TAFAZZIN: variants seen among roughly 807,000 people sequenced by gnomAD.
TAFAZZIN encodes the protein tafazzin, phospholipid-lysophospholipid transacylase.
Under a neutral mutation model 27.3 loss-of-function variants are expected in TAFAZZIN, and 6 were observed. The observed-to-expected ratio is 0.22, with a 90% CI of 0.12 to 0.43. TAFAZZIN has a LOEUF of 0.43. TAFAZZIN is among the 20% of genes least tolerant of loss of function. TAFAZZIN has a pLI of 1.00. For synonymous variants in TAFAZZIN, 79 were observed against 96.2 expected (o/e 0.82, Z 1.04); for missense variants, 127 against 244.5 (o/e 0.52, Z 3.21).
At chrX:154,412,018 G>A (rs1557190961) in intron 1 of TAFAZZIN, 66 bp downstream of exon 1, 1 of 1,204,830 alleles carries the variant, frequency 8.3e-7, no homozygotes, top group Admixed American at 2.2e-5. Flanking sequence ...TGGGACTTAG[G>A]GTGGGGGACG....
intron 5 of TAFAZZIN, among the ~76,000 whole-genome samples, chrX:154,415,239 T>G (rs1011733108): frequency 9.4e-6 from 1 of 106,376 alleles, no homozygotes; most frequent in African/African-American, 3.6e-5. Context: ...GACTAAGGAG[T>G]GTGCCCAGCT....
Position 154,411,596 on chromosome X carries a change from G to A in TAFAZZIN, c.-248G>A. On this transcript the variant is annotated 5_prime_UTR_variant, in exon 1 of 11. Coordinates refer to ENST00000601016, the MANE Select transcript of TAFAZZIN (RefSeq NM_000116.5). ...AGCGCCCGCCTTCCCGTTTCCTCCC[G>A]TTCCGCAGCGCGCCCACGGCCTGTG... The A allele has an allele frequency of 2.3e-6, 1 of 433,969 alleles. No homozygotes were observed. Among genetic ancestry groups the A allele is most frequent in the African/African-American group, 2.5e-5 (1 of 39,408 alleles). 35.8% of individuals were successfully genotyped at this position (433,969 alleles called of 1,213,427 possible).
At chrX:154,416,507 G>T (rs1045675816) in intron 5 of TAFAZZIN, among the ~76,000 whole-genome samples, 14 of 111,934 alleles carry the variant, frequency 1.3e-4, no homozygotes, top group Non-Finnish European at 1.7e-4. Context: ...GACATGAGGA[G>T]CCCAGTTCAG....
At chrX:154,413,273 C>T (rs368429047) in intron 3 of TAFAZZIN, 21 bp downstream of exon 3, 9 of 1,208,564 alleles carry the variant, frequency 7.4e-6, no homozygotes, top group African/African-American at 3.5e-5. Context: ...ATGGGCCCCT[C>T]GAAGTGGGCC....
In TAFAZZIN at chrX:154,419,630, A is replaced by G. The variant is rs1404353943; in HGVS notation, c.541+7A>G. 8.3e-7 allele frequency: 1 copy of G among 1,210,681 alleles called. No individual in the cohort carries two copies. The highest frequency in any genetic ancestry group is 1.1e-6 in the Non-Finnish European group (1 of 894,977). On this transcript the variant is annotated splice_region_variant and intron_variant, in intron 6 of 10. Transcript: ENST00000601016. Reference sequence around the variant, plus strand: ...GTGCATATCTTCCCAGAAGGTCAGCAGGGCTGACTGGGTCGAGCCCCCCCA... The same window carrying G: ...GTGCATATCTTCCCAGAAGGTCAGCGGGGCTGACTGGGTCGAGCCCCCCCA...
At chrX:154,420,600 G>C in intron 9 of TAFAZZIN, 58 bp from the exon 10 acceptor site, 1 of 1,175,408 alleles carries the variant, frequency 8.5e-7, no homozygotes, top group Non-Finnish European at 1.2e-6. Flanking sequence ...CGGGTTGCTT[G>C]GGCTGGGGCT....
chrX:154,412,989 T>C (rs920950220), intron 2 of TAFAZZIN: 18 of 469,593 alleles, frequency 3.8e-5, no homozygotes, highest in Non-Finnish European at 1.1e-5. Flanking sequence ...GTTGGGGAGG[T>C]AGGCAGTCCA....
rs998257156 is a variant in TAFAZZIN, at chrX:154,421,606, C to G, written c.*602C>G. The G allele has an allele frequency of 1.8e-5, 6 of 329,296 alleles. No homozygotes were observed. Among genetic ancestry groups the G allele is most frequent in the Non-Finnish European group, 3.5e-5 (6 of 169,992 alleles). 27.1% of individuals were successfully genotyped at this position (329,296 alleles called of 1,213,427 possible). Reference sequence around the variant, plus strand: ...GGCCTGAGGTCTGGCTGCTTGCCCCCATGCTGGCGCCAACAACTTCTCCAT... The same window carrying G: ...GGCCTGAGGTCTGGCTGCTTGCCCCGATGCTGGCGCCAACAACTTCTCCAT... On this transcript the variant is annotated 3_prime_UTR_variant, in exon 11 of 11. Transcript: ENST00000601016.
chrX:154,418,731 T>G (rs1557193545), intron 5 of TAFAZZIN: 1 of 112,020 alleles, frequency 8.9e-6, no homozygotes, highest in African/African-American at 3.2e-5. Flanking sequence ...TTTCCCAAGC[T>G]CTTGATGTGT....
rs1569553044 is a variant in TAFAZZIN, at chrX:154,421,697, A to G, written c.*693A>G. The G allele has an allele frequency of 9.1e-6, 3 of 328,472 alleles. No individual in the cohort carries two copies. The highest frequency in any genetic ancestry group is 1.8e-5 in the Non-Finnish European group (3 of 169,877). The allele number at this position is 328,472 out of a possible 1,213,427, so 27.1% of individuals were successfully genotyped here. A position where few individuals can be genotyped will look rare whatever the true frequency, so the allele number is the denominator to read the frequency against. ...GTTTTCATGTTTTTGAAACAGAACC[A>G]TAAAGCATATGTGTTGGCTTGTTGT... On this transcript the variant is annotated 3_prime_UTR_variant, in exon 11 of 11. Coordinates refer to ENST00000601016, the MANE Select transcript of TAFAZZIN (RefSeq NM_000116.5).
intron 2 of TAFAZZIN, chrX:154,412,462 C>T: frequency 4.8e-6 from 2 of 416,331 alleles, no homozygotes; most frequent in Non-Finnish European, 8.3e-6. Flanking sequence ...TCTTACAGCT[C>T]CTTTAACGTC....
At chrX:154,417,953 A>G (rs188840482) in intron 5 of TAFAZZIN, among the ~76,000 whole-genome samples, 138 of 112,378 alleles carry the variant, frequency 1.2e-3, no homozygotes, top group African/African-American at 4.4e-3. Context: ...TGTTCCAAAA[A>G]ATTCCCTTTT....
intron 7 of TAFAZZIN, 73 bp downstream of exon 7, chrX:154,419,819 C>A: frequency 1.7e-6 from 2 of 1,187,262 alleles, no homozygotes; most frequent in African/African-American, 3.5e-5. Flanking sequence ...CTGGCTCCCG[C>A]CCCCTCGGGC....
At chrX:154,415,528 G>T (rs942157768) in intron 5 of TAFAZZIN, among the ~76,000 whole-genome samples, 1 of 111,303 alleles carries the variant, frequency 9.0e-6, no homozygotes, top group Admixed American at 9.6e-5. Flanking sequence ...AGGTAGGTAC[G>T]TAGGTAGATA....
chrX:154,413,028 TG>T, intron 2 of TAFAZZIN, 178 bp from the exon 3 acceptor site: 1 of 552,492 alleles, frequency 1.8e-6, no homozygotes, highest in East Asian at 3.6e-5. Flanking sequence ...ATGTGGAGGG[TG>T]GGGGAGAGGG....
At chrX:154,412,297 C>T in intron 2 of TAFAZZIN, 83 bp downstream of exon 2, 1 of 1,119,449 alleles carries the variant, frequency 8.9e-7, no homozygotes, top group East Asian at 3.3e-5. Flanking sequence ...AACCCCTTCT[C>T]GCTGCCTTTT....
At chrX:154,417,427 G>A (rs1348399353) in intron 5 of TAFAZZIN, among the ~76,000 whole-genome samples, 2 of 112,581 alleles carry the variant, frequency 1.8e-5, no homozygotes, top group Non-Finnish European at 3.8e-5. Flanking sequence ...TGCTGCAGTT[G>A]GGGGGGAATG....
rs376769286 is a variant in TAFAZZIN at position 154,413,221 on chromosome X, C to T, written c.253C>T (p.Arg85Cys). ...CTGTCCTCTAGGGATCCTGAAACTC[C>T]GCCACATCTGGAACCTGAAGTTGAT... ...DPHLWGILKL[R>C]HIWNLKLMRW... The change falls in exon 3 of 11, where the codon CGC becomes TGC. Residue 85 changes from arginine to cysteine, a missense_variant. Physicochemically the swap from Arg to Cys is radical, Grantham distance 180. Transcript: ENST00000601016. 1.7e-5 allele frequency: 20 copies of T among 1,210,515 alleles called. No homozygotes were observed. Among genetic ancestry groups the T allele is most frequent in the Admixed American group, 2.2e-5 (1 of 45,914 alleles).
chrX:154,415,880 C>CAA (rs140328432), intron 5 of TAFAZZIN, among the ~76,000 whole-genome samples: 3,939 of 27,216 alleles, frequency 0.14, 283 homozygotes, highest in Non-Finnish European at 0.16. Flanking sequence ...GACCTGGTCT[C>CAA]AAAAAAAAAA....
Sources: allele counts gnomAD v4.1 joint callset (sites outside exome capture counted in the v4.1 genomes callset), GRCh38; gene constraint gnomAD v4.1.1; transcripts MANE v1.5; gene names NCBI Gene and HGNC (gene_info 2026-07-23, HGNC 2026-07-21).